Variants in TECPR2 observed in about 807,000 individuals in gnomAD.
TECPR2 encodes the protein tectonin beta-propeller repeat-containing protein 2.
TECPR2 carries 65 observed loss-of-function variants against 138.1 expected under a neutral mutation model. That is an observed-to-expected ratio of 0.47 (90% CI 0.39 to 0.58). TECPR2 has a LOEUF of 0.58. TECPR2 is among the 20% of genes least tolerant of loss of function. The pLI, the probability that TECPR2 is intolerant of heterozygous loss-of-function variation, is 0.00. For missense variants in TECPR2, 1,553 were observed against 1,824.5 expected, an observed-to-expected ratio of 0.85 and a Z score of 2.71; for synonymous variants, 746 against 749.8, an observed-to-expected ratio of 0.99 and a Z score of 0.08.
chr14:102,425,348 T>G, intron 6 of TECPR2, 57 bp downstream of exon 6: 8 of 1,511,348 alleles, frequency 5.3e-6, no homozygotes, highest in Non-Finnish European at 7.1e-6. Flanking sequence ...AATGTATCTC[T>G]ATAAACTGTT....
At chr14:102,430,149 T>C (rs1467562392) in intron 7 of TECPR2, among the ~76,000 whole-genome samples, 1 of 151,900 alleles carries the variant, frequency 6.6e-6, no homozygotes, top group Non-Finnish European at 1.5e-5. Flanking sequence ...TGTATTTTAG[T>C]AGAAAGGGGG....
At chr14:102,468,832 C>T (rs909754415) in intron 17 of TECPR2, among the ~76,000 whole-genome samples, 12 of 152,114 alleles carry the variant, frequency 7.9e-5, no homozygotes, top group Admixed American at 7.9e-4. Flanking sequence ...ATGTGGGTAT[C>T]GAATTGTACC....
At chr14:102,446,404 G>A (rs1309638841) in intron 13 of TECPR2, among the ~76,000 whole-genome samples, 1 of 152,142 alleles carries the variant, frequency 6.6e-6, no homozygotes, top group East Asian at 1.9e-4. Context: ...TTCAAAGCCA[G>A]CCTGGGCAAC....
At chr14:102,371,104 G>A (rs1887494877) in intron 1 of TECPR2, among the ~76,000 whole-genome samples, 1 of 152,092 alleles carries the variant, frequency 6.6e-6, no homozygotes, top group Non-Finnish European at 1.5e-5. Context: ...TAGGAGCATT[G>A]GGATTTGAAC....
chr14:102,415,640 G>A lies in TECPR2; in HGVS notation c.638+847G>A, dbSNP rs1319362660. Among the ~76,000 whole-genome samples the A allele has an allele frequency of 6.6e-6, 1 of 152,140 alleles. No individual in the cohort carries two copies. The highest frequency in any genetic ancestry group is 2.1e-4 in the South Asian group (1 of 4,830). ...AAGGAGGAGGTAGACTGGGGCCAAC[G>A]TGGGGGTGGGAAGCAGAGGGCGGCA... On this transcript the variant is annotated intron_variant, in intron 5 of 19. Transcript: ENST00000359520. This position sits in a 1 kb window ranked among gnomAD's most constrained non-coding sequence, Gnocchi z 4.3.
Position 102,499,158 on chromosome 14 carries a change from G to T in TECPR2, c.*901G>T, listed in dbSNP as rs1286850416. ...AAATGGAACCTGGATGTGTGCACGT[G>T]TGTCCCAGGTAGGGACGGCACAGGA... On this transcript the variant is annotated 3_prime_UTR_variant, in exon 20 of 20. Transcript: ENST00000359520. 1.4e-6 allele frequency: 1 copy of T among 703,050 alleles called. No individual in the cohort carries two copies. The highest frequency in any genetic ancestry group is 2.0e-5 in the Admixed American group (1 of 50,018). The allele number at this position is 703,050 out of a possible 1,614,324, so 43.6% of individuals were successfully genotyped here.
chr14:102,491,503 C>T lies in TECPR2; in HGVS notation c.3790-5476C>T, dbSNP rs555660490. On this transcript the variant is annotated intron_variant, in intron 17 of 19. Coordinates refer to ENST00000359520, the MANE Select transcript of TECPR2 (RefSeq NM_014844.5). ...TGCTGGCATTACAGGTATGAGACAC[C>T]GTGCCCAGCCCTTTCCTCTTTTCAC... Among the ~76,000 whole-genome samples, 9 of 152,350 alleles carry T rather than the reference C, an allele frequency of 5.9e-5. 1 individual carries two copies. The highest frequency in any genetic ancestry group is 1.9e-4 in the East Asian group (1 of 5,188).
intron 17 of TECPR2, among the ~76,000 whole-genome samples, chr14:102,468,974 C>T (rs1341303346): frequency 6.6e-6 from 1 of 152,164 alleles, no homozygotes; most frequent in East Asian, 1.9e-4. Flanking sequence ...GTGTATCTAT[C>T]CTTAAACTAC....
chr14:102,473,982 G>A (rs1375238423), intron 17 of TECPR2, among the ~76,000 whole-genome samples: 1 of 152,222 alleles, frequency 6.6e-6, no homozygotes, highest in Non-Finnish European at 1.5e-5. Context: ...ACTAGGCTGG[G>A]TGCAGTGGCT....
rs780062919 is a variant in TECPR2 at position 102,434,510 on chromosome 14, G to A, written c.1693G>A (p.Asp565Asn). Residue 565 changes from aspartate to asparagine, a missense_variant, in exon 9 of 20, where the codon GAC becomes AAC. Asp to Asn is a conservative substitution (Grantham distance 23). Transcript: ENST00000359520. ...SMPDSLAEED[D>N]IRTEMPHCHH... ...GCCTGATTCTCTGGCTGAGGAAGAT[G>A]ACATTAGAACTGAAATGCCACACTG... is the stretch of plus-strand genomic sequence containing the variant. 4 of 1,562,058 alleles carry A rather than the reference G, an allele frequency of 2.6e-6. No homozygotes were observed. In the East Asian group the frequency reaches 6.7e-5, roughly 26 times the overall value.
Position 102,407,541 on chromosome 14 carries a change from A to T in TECPR2, c.348+75A>T, listed in dbSNP as rs977696837. 17 of 1,506,440 alleles carry T rather than the reference A, an allele frequency of 1.1e-5. No homozygotes were observed. The Admixed American group carries it at 1.3e-4, about 11-fold the overall frequency. The allele number at this position is 1,506,440 out of a possible 1,614,324, so 93.3% of individuals were successfully genotyped here. A position where few individuals can be genotyped will look rare whatever the true frequency, so the allele number is the denominator to read the frequency against. On this transcript the variant is annotated intron_variant, in intron 3 of 19. Transcript: ENST00000359520. ...TGGATTTTTAAAATTAGAAATCCTC[A>T]TCTGCTTAGAAAGTTTATGCTCAGA...
At position 102,378,633 on chromosome 14, in the gene TECPR2, T is replaced by C. The variant is rs1887704908; in HGVS notation, c.219+1693T>C. Among the ~76,000 whole-genome samples the C allele has an allele frequency of 2.0e-5, 3 of 152,016 alleles. No homozygotes were observed. In the South Asian group the frequency reaches 6.2e-4, roughly 32 times the overall value. ...TCTAGGGTCTGTATTAATATATATA[T>C]ATATTTTTGAGACGGAGTTTCACTC... On this transcript the variant is annotated intron_variant, in intron 2 of 19. Coordinates refer to ENST00000359520, the MANE Select transcript of TECPR2 (RefSeq NM_014844.5).
intron 1 of TECPR2, among the ~76,000 whole-genome samples, chr14:102,369,149 T>TA (rs1284659227): frequency 1.3e-5 from 2 of 152,104 alleles, no homozygotes; most frequent in Non-Finnish European, 2.9e-5. Context: ...TAAGACCTCC[T>TA]AAGCCACCAC....
intron 17 of TECPR2, among the ~76,000 whole-genome samples, chr14:102,468,531 AC>A (rs1344778936): frequency 6.6e-6 from 1 of 152,072 alleles, no homozygotes; most frequent in Non-Finnish European, 1.5e-5. Flanking sequence ...TGGGTACTAG[AC>A]CTTTATCAGA....
At chr14:102,485,668 C>T (rs1891009433) in intron 17 of TECPR2, among the ~76,000 whole-genome samples, 1 of 152,138 alleles carries the variant, frequency 6.6e-6, no homozygotes, top group African/African-American at 2.4e-5. Flanking sequence ...GCGTGTGCCC[C>T]CAGTAAAACC....
intron 2 of TECPR2, among the ~76,000 whole-genome samples, chr14:102,402,288 T>C (rs1362649419): frequency 1.3e-5 from 2 of 152,174 alleles, no homozygotes; most frequent in African/African-American, 4.8e-5. Flanking sequence ...CCATATACTC[T>C]TAGTCAACCA....
intron 17 of TECPR2, among the ~76,000 whole-genome samples, chr14:102,495,071 T>C (rs2139800973): frequency 6.6e-6 from 1 of 152,126 alleles, no homozygotes; most frequent in Non-Finnish European, 1.5e-5. Flanking sequence ...AAAATTAGCC[T>C]GGTGTGGTGG....
chr14:102,478,086 G>A (rs891711322), intron 17 of TECPR2, among the ~76,000 whole-genome samples: 7 of 151,022 alleles, frequency 4.6e-5, no homozygotes, highest in Non-Finnish European at 1.0e-4. Flanking sequence ...TCACTCCATT[G>A]CCCATGCTGG....
chr14:102,367,117 T>G (rs1206371692), intron 1 of TECPR2, among the ~76,000 whole-genome samples: 1 of 152,164 alleles, frequency 6.6e-6, no homozygotes, highest in Non-Finnish European at 1.5e-5. Context: ...TGCAAAGGGC[T>G]TAGACCACAC....
Sources: allele counts gnomAD v4.1 joint callset (sites outside exome capture counted in the v4.1 genomes callset), GRCh38; gene constraint gnomAD v4.1.1; non-coding constraint Gnocchi (gnomAD v3.1); transcripts MANE v1.5; gene names NCBI Gene and HGNC (gene_info 2026-07-23, HGNC 2026-07-21).